CDH8: variants seen among roughly 807,000 people sequenced by gnomAD.
CDH8 encodes the protein cadherin-8.
In CDH8, 17 loss-of-function variants were observed where a neutral mutation model predicts 68.1. That is an observed-to-expected ratio of 0.25 (90% CI 0.17 to 0.37). CDH8 has a LOEUF of 0.37. Ranked by LOEUF, CDH8 falls within the 10% of genes least tolerant of loss-of-function variation. The probability of loss-of-function intolerance (pLI) is 1.00; values close to 1 mark genes in which losing one functional copy is unlikely to be tolerated. For synonymous variants in CDH8, 372 were observed against 365.1 expected (o/e 1.02, Z -0.21); for missense variants, 763 against 999.3 (o/e 0.76, Z 3.19).
At chr16:61,817,340 A>ACACC in intron 7 of CDH8, 139 bp downstream of exon 7, 1 of 739,210 alleles carries the variant, frequency 1.4e-6, no homozygotes, top group Non-Finnish European at 2.3e-6. Flanking sequence ...ACACACACAC[A>ACACC]CAGTATGTGC....
chr16:61,840,450 T>C (rs1218402906), intron 4 of CDH8, among the ~76,000 whole-genome samples: 1 of 152,212 alleles, frequency 6.6e-6, no homozygotes. Context: ...AATTGAATTT[T>C]TGTTGTTGTT....
At chr16:61,895,529 C>G (rs1963856024) in intron 3 of CDH8, among the ~76,000 whole-genome samples, 1 of 152,076 alleles carries the variant, frequency 6.6e-6, no homozygotes, top group Admixed American at 6.6e-5. Context: ...TACAGTAGCC[C>G]TGAACCTCAG....
At chr16:61,899,114 G>A (rs556820930) in intron 3 of CDH8, among the ~76,000 whole-genome samples, 2 of 152,132 alleles carry the variant, frequency 1.3e-5, no homozygotes, top group South Asian at 4.1e-4. Context: ...TTATCCTAAC[G>A]CTATCCCTCC....
chr16:61,973,596 G>A (rs1261875673), intron 2 of CDH8, among the ~76,000 whole-genome samples: 1 of 152,118 alleles, frequency 6.6e-6, no homozygotes, highest in African/African-American at 2.4e-5. Flanking sequence ...TCACAACACA[G>A]AGCCCATGGC....
intron 5 of CDH8, among the ~76,000 whole-genome samples, chr16:61,823,650 C>A (rs1293240550): frequency 1.3e-5 from 2 of 151,858 alleles, no homozygotes. Context: ...GGAACCACAG[C>A]CTATCACTCA....
intron 2 of CDH8, among the ~76,000 whole-genome samples, chr16:61,903,487 CTAATTTTT>C (rs1964014296): frequency 6.6e-6 from 1 of 152,122 alleles, no homozygotes; most frequent in African/African-American, 2.4e-5. Context: ...CGGCGCCCGG[CTAATTTTT>C]TGTATTTTTA....
In CDH8 at chr16:61,647,991, G is replaced by T. The variant is rs1963241816; in HGVS notation, c.*5617C>A. The T allele has an allele frequency of 1.6e-6, 1 of 619,254 alleles. No homozygotes were observed. The highest frequency in any genetic ancestry group is 2.9e-6 in the Non-Finnish European group (1 of 344,672). The allele number at this position is 619,254 out of a possible 1,614,324, so 38.4% of individuals were successfully genotyped here. ...AATTAGATGGTGGCAGGTAACTCAA[G>T]TTGGGGAAATAGTACCCAAAGGCAC... is the stretch of plus-strand genomic sequence containing the variant. On this transcript the variant is annotated 3_prime_UTR_variant, in exon 12 of 12. Coordinates refer to ENST00000577390, the MANE Select transcript of CDH8 (RefSeq NM_001796.5).
In CDH8 at chr16:61,856,393, GTTAAA is replaced by G. The variant is rs1379651895; in HGVS notation, c.667+721_667+725del. ...AATATGTTTGATCTCTTAATATACT[GTTAAA>G]TTAAAACATTAAAAACATATATCTT... On this transcript the variant is annotated intron_variant, in intron 4 of 11. Coordinates refer to ENST00000577390, the MANE Select transcript of CDH8 (RefSeq NM_001796.5). Among the ~76,000 whole-genome samples, 5 of 152,158 alleles carry G rather than the reference GTTAAA, an allele frequency of 3.3e-5. No individual in the cohort carries two copies. The East Asian group carries it at 7.7e-4, about 23-fold the overall frequency.
At chr16:61,716,050 G>T (rs981974737) in intron 9 of CDH8, among the ~76,000 whole-genome samples, 6 of 151,620 alleles carry the variant, frequency 4.0e-5, no homozygotes, top group African/African-American at 1.2e-4. Context: ...CTAGCCCCAG[G>T]TGCAACCATT....
Position 61,746,511 on chromosome 16 carries a change from G to A in CDH8, c.1415-19296C>T, listed in dbSNP as rs901963467. On this transcript the variant is annotated intron_variant, in intron 8 of 11. Coordinates refer to ENST00000577390, the MANE Select transcript of CDH8 (RefSeq NM_001796.5). ...TTCTCCATGGGAGAGTTTGTCTGATGTAAGTTACCATCATAGACGTAAAGA... is the reference window on the plus strand; with the variant it reads ...TTCTCCATGGGAGAGTTTGTCTGATATAAGTTACCATCATAGACGTAAAGA... Among the ~76,000 whole-genome samples, 24 of 150,064 alleles carry A rather than the reference G, an allele frequency of 1.6e-4. 1 individual carries two copies. Among genetic ancestry groups the A allele is most frequent in the African/African-American group, 5.2e-4 (21 of 40,678 alleles).
intron 2 of CDH8, among the ~76,000 whole-genome samples, chr16:62,010,862 G>T (rs556255326): frequency 1.3e-5 from 2 of 151,568 alleles, no homozygotes; most frequent in Non-Finnish European, 2.9e-5. Context: ...AGATGCGCTT[G>T]AACCCGGGAG....
At chr16:61,921,070 C>T (rs1028646496) in intron 2 of CDH8, among the ~76,000 whole-genome samples, 1 of 132,038 alleles carries the variant, frequency 7.6e-6, no homozygotes, top group African/African-American at 2.9e-5. Flanking sequence ...CACATGGACA[C>T]AGGAAGGGGA....
At chr16:61,760,047 C>T (rs181957838) in intron 8 of CDH8, among the ~76,000 whole-genome samples, 71 of 152,080 alleles carry the variant, frequency 4.7e-4, no homozygotes, top group African/African-American at 1.3e-3. Flanking sequence ...CCCAAGGAAA[C>T]GTTTATGGAG....
At chr16:61,720,165 A>G (rs969334095) in intron 9 of CDH8, among the ~76,000 whole-genome samples, 5 of 150,926 alleles carry the variant, frequency 3.3e-5, no homozygotes, top group African/African-American at 1.2e-4. Context: ...GTGTGTATCT[A>G]CATAGCTTAA....
intron 4 of CDH8, among the ~76,000 whole-genome samples, chr16:61,851,362 G>A (rs1962934378): frequency 1.3e-5 from 2 of 152,070 alleles, no homozygotes; most frequent in Middle Eastern, 3.4e-3. Flanking sequence ...AAAGGTCAAT[G>A]AATTAACTTA....
At chr16:61,858,566 C>G (rs1963093319) in intron 3 of CDH8, among the ~76,000 whole-genome samples, 1 of 152,130 alleles carries the variant, frequency 6.6e-6, no homozygotes, top group African/African-American at 2.4e-5. Flanking sequence ...TAATGAGAAA[C>G]AGCAGGCAGG....
intron 8 of CDH8, among the ~76,000 whole-genome samples, chr16:61,739,915 A>ATATATATATTTT (rs373723105): frequency 9.1e-6 from 1 of 109,580 alleles, no homozygotes; most frequent in Non-Finnish European, 1.8e-5. Context: ...ATATATATGT[A>ATATATATATTTT]TTTTTTTTTT....
chr16:62,007,565 G>A (rs542350332), intron 2 of CDH8, among the ~76,000 whole-genome samples: 7 of 151,410 alleles, frequency 4.6e-5, no homozygotes, highest in Admixed American at 1.3e-4. Context: ...AACGTCATGT[G>A]TTAGAATCAA....
rs140140469 is a variant in CDH8 at position 61,943,532 on chromosome 16, A to G, written c.253-42059T>C. ...GTATGGAGCTTTTGATAGAGTGGTC[A>G]TTCTACTCTGACACAAAACCTAACT... On this transcript the variant is annotated intron_variant, in intron 2 of 11. Coordinates refer to ENST00000577390, the MANE Select transcript of CDH8 (RefSeq NM_001796.5). Among the ~76,000 whole-genome samples, 1,001 of 152,354 alleles carry G rather than the reference A, an allele frequency of 6.6e-3. 8 individuals carry two copies. Among genetic ancestry groups the G allele is most frequent in the African/African-American group, 0.023 (964 of 41,584 alleles).
Sources: allele counts gnomAD v4.1 joint callset (sites outside exome capture counted in the v4.1 genomes callset), GRCh38; gene constraint gnomAD v4.1.1; transcripts MANE v1.5; gene names NCBI Gene and HGNC (gene_info 2026-07-23, HGNC 2026-07-21).